PCBD2: variants seen among roughly 807,000 people sequenced by gnomAD.
PCBD2 encodes the protein pterin-4-alpha-carbinolamine dehydratase 2.
A neutral mutation model predicts 16.4 loss-of-function variants in PCBD2; 12 were observed. The ratio of observed to expected loss-of-function variants is 0.73; its 90% CI spans 0.47 to 1.19. The LOEUF (loss-of-function observed/expected upper bound fraction) is 1.19, where lower values mean the gene tolerates loss of function less well. Among genes scored for constraint, PCBD2 ranks in the 50% most tolerant of loss-of-function variants. PCBD2 has a pLI of 0.00. For missense variants in PCBD2, 138 were observed against 156.8 expected, an observed-to-expected ratio of 0.88 and a Z score of 0.64; for synonymous variants, 58 against 61.8, an observed-to-expected ratio of 0.94 and a Z score of 0.29.
At chr5:134,944,362 C>A (rs1010158170) in intron 2 of PCBD2, among the ~76,000 whole-genome samples, 1 of 152,072 alleles carries the variant, frequency 6.6e-6, no homozygotes, top group East Asian at 1.9e-4. Context: ...TTTCTTCTAC[C>A]AAGATTCCTC....
intron 2 of PCBD2, among the ~76,000 whole-genome samples, chr5:134,913,540 C>T (rs1008107728): frequency 6.6e-6 from 1 of 152,134 alleles, no homozygotes; most frequent in Non-Finnish European, 1.5e-5. Context: ...TGGGGGCCTT[C>T]TTGGCGTGGT....
chr5:134,960,404 C>T (rs926912368), intron 3 of PCBD2, among the ~76,000 whole-genome samples, 182 bp from the exon 4 acceptor site: 1 of 152,010 alleles, frequency 6.6e-6, no homozygotes, highest in Non-Finnish European at 1.5e-5. Context: ...TAGACTATGC[C>T]CCTGGAGTTC....
intron 2 of PCBD2, among the ~76,000 whole-genome samples, chr5:134,930,237 T>TTGTA (rs1751076608): frequency 6.6e-6 from 1 of 152,170 alleles, no homozygotes; most frequent in Non-Finnish European, 1.5e-5. Context: ...GAGACTTGGA[T>TTGTA]TGTACCTGTG....
At chr5:134,940,798 C>T (rs1751217279) in intron 2 of PCBD2, among the ~76,000 whole-genome samples, 1 of 152,058 alleles carries the variant, frequency 6.6e-6, no homozygotes, top group Non-Finnish European at 1.5e-5. Context: ...GTCATGTCCA[C>T]AGACACATGT....
At chr5:134,957,922 A>G (rs1751433004) in intron 2 of PCBD2, among the ~76,000 whole-genome samples, 1 of 152,256 alleles carries the variant, frequency 6.6e-6, no homozygotes, top group Admixed American at 6.5e-5. Context: ...CGAGAGAGGT[A>G]CCATAGTGAA....
intron 2 of PCBD2, among the ~76,000 whole-genome samples, chr5:134,935,462 TG>T (rs1263656873): frequency 6.6e-6 from 1 of 152,204 alleles, no homozygotes; most frequent in African/African-American, 2.4e-5. Context: ...AAAATTATTT[TG>T]GGGTGTCATT....
chr5:134,934,407 C>A (rs961414536), intron 2 of PCBD2, among the ~76,000 whole-genome samples: 3 of 152,142 alleles, frequency 2.0e-5, no homozygotes, highest in Non-Finnish European at 4.4e-5. Context: ...GTAATTGTTA[C>A]ATCATGGTTT....
chr5:134,932,868 G>A (rs1751115411), intron 2 of PCBD2, among the ~76,000 whole-genome samples: 1 of 152,082 alleles, frequency 6.6e-6, no homozygotes, highest in Middle Eastern at 3.2e-3. Flanking sequence ...AAAACTGTGA[G>A]CTTTAAATAG....
intron 2 of PCBD2, among the ~76,000 whole-genome samples, chr5:134,939,059 AT>A (rs1751193878): frequency 1.3e-5 from 2 of 152,198 alleles, no homozygotes; most frequent in Admixed American, 1.3e-4. Flanking sequence ...ATGTATTATT[AT>A]AATTGTTTTT....
At position 134,960,714 on chromosome 5, in the gene PCBD2, C is replaced by A; in HGVS notation, c.*33C>A. The A allele has an allele frequency of 6.7e-7, 1 of 1,484,374 alleles. No individual in the cohort carries two copies. The allele number at this position is 1,484,374 out of a possible 1,614,324, so 92.0% of individuals were successfully genotyped here. ...CAAAATACATGTAAAATCTTGTACA[C>A]ATCTTAGCTGCAATGTATGTTGAAG... is the stretch of plus-strand genomic sequence containing the variant. On this transcript the variant is annotated 3_prime_UTR_variant, in exon 4 of 4. Coordinates refer to ENST00000254908, the MANE Select transcript of PCBD2 (RefSeq NM_032151.5).
chr5:134,921,711 T>G (rs1380482449), intron 2 of PCBD2, among the ~76,000 whole-genome samples: 1 of 152,198 alleles, frequency 6.6e-6, no homozygotes, highest in East Asian at 1.9e-4. Flanking sequence ...AACGGAAGAA[T>G]TATCCTGGTG....
rs1244453586 is a variant in PCBD2 at position 134,907,336 on chromosome 5, T to C, written c.84+2113T>C. ...CTTGGCGCACTGCAACTTTGCCTCCTGGGTTCAAGCGATTCTCCTGCCTCA... is the reference window on the plus strand; with the variant it reads ...CTTGGCGCACTGCAACTTTGCCTCCCGGGTTCAAGCGATTCTCCTGCCTCA... On this transcript the variant is annotated intron_variant, in intron 1 of 3. Coordinates refer to ENST00000254908, the MANE Select transcript of PCBD2 (RefSeq NM_032151.5). Among the ~76,000 whole-genome samples the C allele has an allele frequency of 2.0e-5, 3 of 152,142 alleles. No individual in the cohort carries two copies. The East Asian group carries it at 5.8e-4, about 29-fold the overall frequency.
chr5:134,928,729 GGAGGCT>G (rs112029356), intron 2 of PCBD2, among the ~76,000 whole-genome samples: 2 of 152,284 alleles, frequency 1.3e-5, no homozygotes, highest in African/African-American at 4.8e-5. Flanking sequence ...CAGCTACTTG[GGAGGCT>G]GAGGCAGGAG....
rs58911694 is a variant in PCBD2 at position 134,962,072 on chromosome 5, T to TTGTGTG, written c.*1421_*1426dup. Among the ~76,000 whole-genome samples the TTGTGTG allele has an allele frequency of 7.7e-3, 1,077 of 140,580 alleles. 10 individuals are homozygous for TTGTGTG. Among genetic ancestry groups the TTGTGTG allele is most frequent in the African/African-American group, 0.011 (403 of 37,062 alleles). 92.2% of individuals were successfully genotyped at this position (140,580 alleles called of 152,430 possible). ...CATTGCCCCCAGCCAGTATAACAGT[T>TTGTGTG]TGTGTGTGTGTGTGTGTGTGTGTGT... is the stretch of plus-strand genomic sequence containing the variant. On this transcript the variant is annotated 3_prime_UTR_variant, in exon 4 of 4. Transcript: ENST00000254908.
intron 2 of PCBD2, among the ~76,000 whole-genome samples, chr5:134,945,030 G>A (rs933517922): frequency 6.6e-6 from 1 of 152,132 alleles, no homozygotes; most frequent in East Asian, 1.9e-4. Flanking sequence ...AGTGCTTTTG[G>A]CAAGGCTATT....
intron 2 of PCBD2, among the ~76,000 whole-genome samples, chr5:134,942,297 T>A (rs1283849891): frequency 6.6e-6 from 1 of 152,098 alleles, no homozygotes; most frequent in African/African-American, 2.4e-5. Flanking sequence ...TGAATTTGCA[T>A]CCCAGCCTCA....
At position 134,956,070 on chromosome 5, in the gene PCBD2, T is replaced by C. The variant is rs139937094; in HGVS notation, c.217-2970T>C. 5.8e-3 allele frequency among the ~76,000 whole-genome samples: 889 copies of C among 152,326 alleles called. 8 individuals are homozygous for C. The highest frequency in any genetic ancestry group is 0.02 in the African/African-American group (850 of 41,578). On this transcript the variant is annotated intron_variant, in intron 2 of 3. Coordinates refer to ENST00000254908, the MANE Select transcript of PCBD2 (RefSeq NM_032151.5). ...ATTTAAAAATACATATTTTGGGGAT[T>C]GGTTGGTTCTGTTATATGGAAGAAG... is the stretch of plus-strand genomic sequence containing the variant.
At chr5:134,929,235 A>G (rs1442987728) in intron 2 of PCBD2, among the ~76,000 whole-genome samples, 6 of 151,716 alleles carry the variant, frequency 4.0e-5, no homozygotes, top group Non-Finnish European at 4.4e-5. Flanking sequence ...TAATCCCAGC[A>G]TTTTGGGAGG....
intron 2 of PCBD2, among the ~76,000 whole-genome samples, chr5:134,916,342 C>G (rs1750833098): frequency 6.6e-6 from 1 of 152,058 alleles, no homozygotes; most frequent in Non-Finnish European, 1.5e-5. Context: ...GTTTGTATTG[C>G]TCAATAGGTT....
Sources: allele counts gnomAD v4.1 joint callset (sites outside exome capture counted in the v4.1 genomes callset), GRCh38; gene constraint gnomAD v4.1.1; transcripts MANE v1.5; gene names NCBI Gene and HGNC (gene_info 2026-07-23, HGNC 2026-07-21).